Variants in HMGA2 observed in about 807,000 individuals in gnomAD.
The protein encoded by HMGA2 is high mobility group protein HMGI-C.
HMGA2 carries 8 observed loss-of-function variants against 19.1 expected under a neutral mutation model. The ratio of observed to expected loss-of-function variants is 0.42; its 90% CI spans 0.25 to 0.76. The LOEUF is 0.76. HMGA2 is among the 30% of genes least tolerant of loss of function. The pLI, the probability that HMGA2 is intolerant of heterozygous loss-of-function variation, is 0.28. For synonymous variants in HMGA2, 60 were observed against 48.8 expected (o/e 1.23, Z -0.96); for missense variants, 109 against 136.3 (o/e 0.80, Z 1.00).
chr12:65,828,353 G>A (rs1870314918), intron 2 of HMGA2: 2 of 256,424 alleles, frequency 7.8e-6, no homozygotes, highest in South Asian at 9.1e-5. Flanking sequence ...ACGGGTAGAA[G>A]TGAGGAAGGA....
At chr12:65,841,976 T>C (rs1871018363) in intron 3 of HMGA2, among the ~76,000 whole-genome samples, 3 of 152,130 alleles carry the variant, frequency 2.0e-5, no homozygotes, top group African/African-American at 7.2e-5. Context: ...TATTGTTTAC[T>C]TTAATTCCCT....
At chr12:65,881,092 G>A (rs1248195729) in intron 3 of HMGA2, 1 of 152,412 alleles carries the variant, frequency 6.6e-6, no homozygotes, top group Admixed American at 6.5e-5. Flanking sequence ...ATATTATGGT[G>A]GTGCGGTGAA....
chr12:65,863,458 C>T (rs1015403477), intron 3 of HMGA2, among the ~76,000 whole-genome samples: 17 of 151,718 alleles, frequency 1.1e-4, no homozygotes, highest in Admixed American at 3.3e-4. Flanking sequence ...TCCTGGTTCC[C>T]GAAATTGACT....
intron 3 of HMGA2, among the ~76,000 whole-genome samples, chr12:65,861,840 A>G (rs1401496259): frequency 6.7e-6 from 1 of 149,870 alleles, no homozygotes; most frequent in South Asian, 2.1e-4. Flanking sequence ...TTTGTGCAAC[A>G]TGTTTCTTTT....
intron 3 of HMGA2, among the ~76,000 whole-genome samples, chr12:65,871,073 C>G (rs1339640092): frequency 6.6e-6 from 1 of 152,130 alleles, no homozygotes; most frequent in African/African-American, 2.4e-5. Context: ...CAGTCAGAAG[C>G]CATAGTCTAA....
intron 3 of HMGA2, among the ~76,000 whole-genome samples, chr12:65,870,210 A>G (rs1872640914): frequency 6.6e-6 from 1 of 152,112 alleles, no homozygotes; most frequent in African/African-American, 2.4e-5. Flanking sequence ...TTGAATTTCA[A>G]CTATGTGTCA....
intron 3 of HMGA2, among the ~76,000 whole-genome samples, chr12:65,904,090 A>C (rs1258474475): frequency 6.6e-6 from 1 of 152,274 alleles, no homozygotes. Flanking sequence ...TTTGTAAAGC[A>C]CTAGTTAATC....
At chr12:65,893,380 A>G (rs1873995959) in intron 3 of HMGA2, among the ~76,000 whole-genome samples, 1 of 152,080 alleles carries the variant, frequency 6.6e-6, no homozygotes. Flanking sequence ...AAAAGAACAA[A>G]CCACCTCATT....
intron 3 of HMGA2, among the ~76,000 whole-genome samples, chr12:65,925,184 A>G (rs1406588319): frequency 2.6e-5 from 4 of 152,192 alleles, no homozygotes; most frequent in Non-Finnish European, 5.9e-5. Context: ...TCTTTTCTAC[A>G]ATTTCTAAAG....
chr12:65,843,384 TTA>T (rs1871088717), intron 3 of HMGA2: 1 of 205,162 alleles, frequency 4.9e-6, no homozygotes, highest in Non-Finnish European at 1.0e-5. Flanking sequence ...TGATGTAATT[TTA>T]TATATTAGTC....
chr12:65,898,318 A>T (rs1192691461), intron 3 of HMGA2, among the ~76,000 whole-genome samples: 2 of 151,948 alleles, frequency 1.3e-5, no homozygotes, highest in Admixed American at 1.3e-4. Context: ...TTGCTTTTTG[A>T]TTAATGCTTT....
At chr12:65,893,345 C>T (rs1873994135) in intron 3 of HMGA2, among the ~76,000 whole-genome samples, 1 of 152,172 alleles carries the variant, frequency 6.6e-6, no homozygotes. Flanking sequence ...CTCCAGAATT[C>T]AACAAGGCCA....
chr12:65,855,566 C>T (rs569259609), intron 3 of HMGA2, among the ~76,000 whole-genome samples: 2 of 152,170 alleles, frequency 1.3e-5, no homozygotes, highest in East Asian at 3.9e-4. Flanking sequence ...CTCAGGCCTG[C>T]ACTCTAGTCT....
intron 2 of HMGA2, chr12:65,831,081 ATACG>A (rs1255214062): frequency 2.0e-5 from 3 of 151,926 alleles, no homozygotes; most frequent in African/African-American, 7.2e-5. Context: ...CCATGTGTGT[ATACG>A]TCTGTGTGAG....
At chr12:65,900,130 G>A (rs1592431935) in intron 3 of HMGA2, among the ~76,000 whole-genome samples, 1 of 152,176 alleles carries the variant, frequency 6.6e-6, no homozygotes, top group Middle Eastern at 3.4e-3. Context: ...AGCAAATTAG[G>A]TCATGTTTAC....
At chr12:65,837,217 G>A (rs937368866) in intron 2 of HMGA2, among the ~76,000 whole-genome samples, 6 of 152,198 alleles carry the variant, frequency 3.9e-5, no homozygotes, top group Admixed American at 2.6e-4. Context: ...TAGAGTTTGC[G>A]TTAATTCATG....
chr12:65,890,091 G>A (rs917080430), intron 3 of HMGA2, among the ~76,000 whole-genome samples: 1 of 152,038 alleles, frequency 6.6e-6, no homozygotes, highest in Non-Finnish European at 1.5e-5. Flanking sequence ...AATTCCTCTG[G>A]GCTAATTTTA....
In HMGA2 at chr12:65,828,032, C is replaced by G. The variant is rs762404803; in HGVS notation, c.143C>G (p.Pro48Arg). ...ACCGGTGAGCCCTCTCCTAAGAGAC[C>G]CAGGGGAAGACCCAAAGGCAGCAAA... ...EPTGEPSPKR[P>R]RGRPKGSKNK... The change falls in exon 2 of 5, where the codon CCC (proline) becomes CGC (arginine). Residue 48 changes from proline to arginine, a missense_variant. Physicochemically the swap from Pro to Arg is moderately radical, Grantham distance 103. Coordinates refer to ENST00000403681, the MANE Select transcript of HMGA2 (RefSeq NM_003483.6). The G allele has an allele frequency of 9.9e-6, 16 of 1,613,658 alleles. No individual in the cohort carries two copies. Among genetic ancestry groups the G allele is most frequent in the South Asian group, 1.1e-5 (1 of 91,066 alleles).
chr12:65,876,608 G>A (rs984014527), intron 3 of HMGA2, among the ~76,000 whole-genome samples: 3 of 152,076 alleles, frequency 2.0e-5, no homozygotes, highest in Non-Finnish European at 4.4e-5. Flanking sequence ...TATAAAGCAC[G>A]CAAAACAATT....
Sources: gnomAD v4.1 joint callset for allele counts (sites outside exome capture counted in the v4.1 genomes callset) on GRCh38, gnomAD v4.1.1 for gene constraint, MANE v1.5 for transcripts, NCBI Gene and HGNC (gene_info 2026-07-23, HGNC 2026-07-21) for gene names.